The following DMD variants were observed in gnomAD, a reference collection of about 807,000 sequenced individuals.
DMD encodes mutant dystrophin.
DMD carries 63 observed loss-of-function variants against 330.1 expected under a neutral mutation model. That is an observed-to-expected ratio of 0.19 (90% confidence interval 0.16 to 0.24). The LOEUF (loss-of-function observed/expected upper bound fraction) is 0.24, where lower values mean the gene tolerates loss of function less well. Ranked by LOEUF, DMD falls within the 10% of genes least tolerant of loss-of-function variation. The pLI is 1.00. For missense variants in DMD, 3,344 were observed against 2,684.1 expected (o/e 1.25, Z -5.43); for synonymous variants, 1,223 against 959.8 (o/e 1.27, Z -5.07).
At chrX:31,556,184 G>C (rs1456102315) in intron 55 of DMD, among the ~76,000 whole-genome samples, 1 of 109,332 alleles carries the variant, frequency 9.1e-6, no homozygotes, top group Admixed American at 9.9e-5. Context: ...TGGCTAACAA[G>C]GAGAAACCCC....
At chrX:32,538,464 G>A (rs373598940) in intron 17 of DMD, among the ~76,000 whole-genome samples, 1 of 108,873 alleles carries the variant, frequency 9.2e-6, no homozygotes, top group Non-Finnish European at 1.9e-5. Context: ...CCTATAAAAC[G>A]GCCCCACCCC....
chrX:31,413,702 G>C (rs2061742197), intron 60 of DMD, among the ~76,000 whole-genome samples: 1 of 111,548 alleles, frequency 9.0e-6, no homozygotes, highest in Admixed American at 9.5e-5. Flanking sequence ...CCTTGGGCAT[G>C]GTTATTGAAA....
chrX:32,157,679 G>A (rs1005915405), intron 44 of DMD, among the ~76,000 whole-genome samples: 13 of 111,785 alleles, frequency 1.2e-4, no homozygotes, highest in African/African-American at 1.6e-4. Flanking sequence ...GAAAGCAAGG[G>A]GAACTTTTAT....
Position 32,429,387 on chromosome X carries a change from G to GTTTTTTTTTTTTTTTTTTTT in DMD, c.4071+8834_4071+8853dup, listed in dbSNP as rs10692022. Among the ~76,000 whole-genome samples the GTTTTTTTTTTTTTTTTTTTT allele has an allele frequency of 8.4e-4, 37 of 44,201 alleles. 4 individuals carry two copies. Among genetic ancestry groups the GTTTTTTTTTTTTTTTTTTTT allele is most frequent in the African/African-American group, 1.0e-3 (9 of 9,044 alleles). The allele number at this position is 44,201 out of a possible 115,157, so 38.4% of individuals were successfully genotyped here. On this transcript the variant is annotated intron_variant, in intron 29 of 78. Transcript: ENST00000357033. ...ACCAAGCCTGGATACTTTTTTTTGG[G>GTTTTTTTTTTTTTTTTTTTT]TTTTTTTTTTTTTTTTTTTTTTTTG... is the stretch of plus-strand genomic sequence containing the variant.
Position 32,033,402 on chromosome X carries a change from T to A in DMD, c.6439-64888A>T, listed in dbSNP as rs2095902340. On this transcript the variant is annotated intron_variant, in intron 44 of 78. Transcript: ENST00000357033. ...GTTAAATGTCATTAACACAGTAAAATTTTTTTTAAGCTTAAGAAAAGCCAA... is the reference window on the plus strand; with the variant it reads ...GTTAAATGTCATTAACACAGTAAAAATTTTTTTAAGCTTAAGAAAAGCCAA... 3.7e-5 allele frequency among the ~76,000 whole-genome samples: 4 copies of A among 109,548 alleles called. No homozygotes were observed. In the South Asian group the frequency reaches 1.5e-3, roughly 42 times the overall value.
chrX:32,871,803 C>T (rs1381933856), intron 2 of DMD, among the ~76,000 whole-genome samples: 1 of 111,117 alleles, frequency 9.0e-6, no homozygotes, highest in Non-Finnish European at 1.9e-5. Flanking sequence ...GTTTCAGAAA[C>T]CCTATATAGG....
intron 51 of DMD, among the ~76,000 whole-genome samples, chrX:31,750,068 C>T (rs773424067): frequency 1.0e-4 from 11 of 110,345 alleles, no homozygotes; most frequent in African/African-American, 2.6e-4. Flanking sequence ...AAGCAGGTTG[C>T]GAAAATTTTC....
In DMD at chrX:31,173,560, C is replaced by T. The variant is rs372442975; in HGVS notation, c.10307G>A (p.Arg3436His). The change falls in exon 72 of 79, where the codon CGC becomes CAC. Residue 3436 changes from arginine (R) to histidine (H), a missense_variant. By Grantham distance (29) the Arg-to-His change is conservative (BLOSUM62 0). Transcript: ENST00000357033. Reference protein sequence around the residue: ...PQLSHDDTHSRIEHYASRLAE... With the variant: ...PQLSHDDTHSHIEHYASRLAE... ...ATACCTGCTAGCATAATGTTCAATG[C>T]GTGAATGAGTATCATCGTGTGAAAG... 6.6e-6 allele frequency: 8 copies of T among 1,208,425 alleles called. No homozygotes were observed. The highest frequency in any genetic ancestry group is 6.6e-5 in the Admixed American group (3 of 45,700).
At chrX:33,039,140 T>C (rs1402787340) in intron 1 of DMD, among the ~76,000 whole-genome samples, 4 of 112,011 alleles carry the variant, frequency 3.6e-5, no homozygotes, top group Non-Finnish European at 5.6e-5. Flanking sequence ...GGAGATATCA[T>C]GGTTTAAATT....
At chrX:32,780,464 A>G (rs1042961120) in intron 7 of DMD, among the ~76,000 whole-genome samples, 6 of 112,184 alleles carry the variant, frequency 5.3e-5, no homozygotes, top group Non-Finnish European at 5.6e-5. Flanking sequence ...TTGTATATCA[A>G]ACCACAGGTA....
chrX:32,683,281 T>G (rs2062572026), intron 9 of DMD, among the ~76,000 whole-genome samples: 1 of 110,609 alleles, frequency 9.0e-6, no homozygotes, highest in South Asian at 3.9e-4. Context: ...GACCCAGCCA[T>G]CACATTACTG....
At chrX:33,116,745 G>C (rs1297444110) in intron 1 of DMD, among the ~76,000 whole-genome samples, 2 of 111,358 alleles carry the variant, frequency 1.8e-5, no homozygotes, top group Non-Finnish European at 3.8e-5. Context: ...TTTGAAGATG[G>C]GAATGCTTTA....
intron 43 of DMD, among the ~76,000 whole-genome samples, chrX:32,227,233 T>C (rs2097151001): frequency 1.1e-5 from 1 of 88,690 alleles, no homozygotes; most frequent in Non-Finnish European, 2.2e-5. Flanking sequence ...TAGTATTCCA[T>C]TGTGTGTCTA....
chrX:32,655,185 G>A (rs758041920), intron 9 of DMD, among the ~76,000 whole-genome samples: 103 of 111,455 alleles, frequency 9.2e-4, no homozygotes, highest in African/African-American at 3.2e-3. Context: ...GCTAGCTTTT[G>A]AATGTGTTTG....
intron 62 of DMD, chrX:31,266,866 T>G: frequency 8.3e-7 from 1 of 1,197,989 alleles, no homozygotes. Flanking sequence ...TGGGTACGAG[T>G]GGAGGAGTGA....
intron 51 of DMD, among the ~76,000 whole-genome samples, chrX:31,772,755 T>C (rs1210572421): frequency 1.8e-5 from 2 of 112,050 alleles, no homozygotes; most frequent in Admixed American, 9.5e-5. Flanking sequence ...CAGTTACTTT[T>C]TCTGAAAAAT....
intron 51 of DMD, among the ~76,000 whole-genome samples, chrX:31,769,985 G>A (rs761979603): frequency 1.2e-4 from 13 of 111,944 alleles, no homozygotes; most frequent in Non-Finnish European, 1.9e-5. Flanking sequence ...CCCAAACAAG[G>A]TGAACTGGAC....
At chrX:32,108,404 G>C (rs1210087947) in intron 44 of DMD, among the ~76,000 whole-genome samples, 2 of 112,109 alleles carry the variant, frequency 1.8e-5, no homozygotes, top group East Asian at 5.6e-4. Context: ...CTCATGGATA[G>C]AATGCAATAG....
chrX:33,009,463 CAT>C lies in DMD; in HGVS notation c.93+10674_93+10675del, dbSNP rs1305982234. 1.8e-3 allele frequency among the ~76,000 whole-genome samples: 115 copies of C among 65,479 alleles called. 10 individuals are homozygous for C. The highest frequency in any genetic ancestry group is 0.011 in the Middle Eastern group (1 of 87). 56.9% of individuals were successfully genotyped at this position (65,479 alleles called of 115,157 possible). On this transcript the variant is annotated intron_variant, in intron 2 of 78. Transcript: ENST00000357033. ...ACACATATGTATGTATGTGTATACA[CAT>C]ATGTGTGTATGTGTATACACATGTG...
Sources: allele counts gnomAD v4.1 joint callset (sites outside exome capture counted in the v4.1 genomes callset), GRCh38; gene constraint gnomAD v4.1.1; transcripts MANE v1.5; gene names NCBI Gene and HGNC (gene_info 2026-07-23, HGNC 2026-07-21).